The following OR5M8 variants were observed in gnomAD, a reference collection of about 807,000 sequenced individuals.
OR5M8 encodes olfactory receptor family 5 subfamily M member 8.
For missense variants in OR5M8, 445 were observed against 379.3 expected (o/e 1.17, Z -1.44); for synonymous variants, 163 against 141.5 (o/e 1.15, Z -1.08).
rs1432210277 is a variant in OR5M8, at chr11:56,490,601, A to G, written c.770T>C (p.Met257Thr). The G allele has an allele frequency of 1.9e-6, 3 of 1,613,884 alleles. No homozygotes were observed. Among genetic ancestry groups the G allele is most frequent in the Non-Finnish European group, 2.5e-6 (3 of 1,179,994 alleles). ...VTIFYATLFF[M>T]YLRPPSKESV... Reference sequence around the variant, plus strand: ...TTCCTTTGAGGGGGGTCTGAGATACATGAAGAAAAGGGTTGCATAGAATAT... The same window carrying G: ...TTCCTTTGAGGGGGGTCTGAGATACGTGAAGAAAAGGGTTGCATAGAATAT... The change falls in exon 1 of 1, where the codon ATG becomes ACG. Residue 257 changes from methionine (M) to threonine (T), a missense_variant. Physicochemically the swap from Met to Thr is moderately conservative, Grantham distance 81. Coordinates refer to ENST00000327216, the MANE Select transcript of OR5M8 (RefSeq NM_001005282.1).
rs1164995496 is a variant in OR5M8, at chr11:56,490,802, T to C, written c.569A>G (p.Asp190Gly). Reference protein sequence around the residue: ...DPPLIKLACSDTYNKELSMFI... With the variant: ...DPPLIKLACSGTYNKELSMFI... ...CATTGACAACTCCTTGTTGTAGGTG[T>C]CAGAACAAGCCAGCTTAATCAGTGG... is the stretch of plus-strand genomic sequence containing the variant. Residue 190 changes from aspartate to glycine, a missense_variant, in exon 1 of 1, where the codon GAC becomes GGC. Transcript: ENST00000327216. 1.2e-6 allele frequency: 2 copies of C among 1,614,004 alleles called. No homozygotes were observed. The highest frequency in any genetic ancestry group is 2.7e-5 in the African/African-American group (2 of 74,900).
chr11:56,491,252 C>A lies in OR5M8; in HGVS notation c.119G>T (p.Gly40Val), dbSNP rs1163232231. The change falls in exon 1 of 1, where the codon GGG (glycine) becomes GTG (valine). Residue 40 changes from glycine (G) to valine (V), a missense_variant. By Grantham distance (109) the Gly-to-Val change is moderately radical (BLOSUM62 -3). Coordinates refer to ENST00000327216, the MANE Select transcript of OR5M8 (RefSeq NM_001005282.1). ...GATGAGGACAATCATGCCAAGGTTC[C>A]CTGCCACCGTGACCATGTAAATGGC... ...FLAIYMVTVA[G>V]NLGMIVLIQA... 6.2e-7 allele frequency: 1 copy of A among 1,614,066 alleles called. No homozygotes were observed. Among genetic ancestry groups the A allele is most frequent in the Non-Finnish European group, 8.5e-7 (1 of 1,179,992 alleles).
chr11:56,490,615 T>C lies in OR5M8; in HGVS notation c.756A>G (p.Ala252=), dbSNP rs530518773. The change falls in exon 1 of 1, where the codon GCA becomes GCG. Residue 252 remains alanine (A), a synonymous_variant. Coordinates refer to ENST00000327216, the MANE Select transcript of OR5M8 (RefSeq NM_001005282.1). ...GTCTGAGATACATGAAGAAAAGGGT[T>C]GCATAGAATATAGTGACAGCTGTCA... ...SHLTAVTIFY[A]TLFFMYLRPP... 1.9e-6 allele frequency: 3 copies of C among 1,614,028 alleles called. No homozygotes were observed. The South Asian group carries it at 3.3e-5, about 18-fold the overall frequency.
At position 56,490,546 on chromosome 11, in the gene OR5M8, TA is replaced by T. The variant is rs1318938994; in HGVS notation, c.824del (p.Val275AspfsTer6). On this transcript the variant is annotated frameshift_variant, in exon 1 of 1. Coordinates refer to ENST00000327216, the MANE Select transcript of OR5M8 (RefSeq NM_001005282.1). LOFTEE classifies it low-confidence loss of function (END_TRUNC). ...ESVEQGKMVA[V>X]FYTTVIPMLN... The stretch of plus-strand genomic sequence containing the variant: ...GCATAGGGATTACTGTGGTATAAAA[TA>T]CAGCTACCATTTTACCCTGTTCAAC... 1.2e-6 allele frequency: 2 copies of T among 1,611,488 alleles called. No individual in the cohort carries two copies. The highest frequency in any genetic ancestry group is 2.7e-5 in the African/African-American group (2 of 74,864).
In OR5M8 at chr11:56,490,880, T is replaced by A; in HGVS notation, c.491A>T (p.Asn164Ile). ...TTCATTGGGGCCACAGAAGGCTAGG[T>A]TGTAGGTCCACATGGTCTCCATCAG... ...TGLMETMWTY[N>I]LAFCGPNEIN... is the part of the protein sequence containing the mutation. The change falls in exon 1 of 1, where the codon AAC (asparagine) becomes ATC (isoleucine). Residue 164 changes from asparagine to isoleucine, a missense_variant. By Grantham distance (149) the Asn-to-Ile change is moderately radical (BLOSUM62 -3). Transcript: ENST00000327216. 2.5e-6 allele frequency: 4 copies of A among 1,613,842 alleles called. No individual in the cohort carries two copies. The highest frequency in any genetic ancestry group is 3.4e-6 in the Non-Finnish European group (4 of 1,179,884).
Position 56,490,852 on chromosome 11 carries a change from A to G in OR5M8, c.519T>C (p.Ile173=). Reference sequence around the variant, plus strand: ...GTGGGTCCGCACAGTAGAAGTGATTAATTTCATTGGGGCCACAGAAGGCTA... The same window carrying G: ...GTGGGTCCGCACAGTAGAAGTGATTGATTTCATTGGGGCCACAGAAGGCTA... The part of the protein sequence containing the change: ...YNLAFCGPNE[I]NHFYCADPPL... The change falls in exon 1 of 1, where the codon ATT becomes ATC. Residue 173 remains isoleucine, a synonymous_variant. Coordinates refer to ENST00000327216, the MANE Select transcript of OR5M8 (RefSeq NM_001005282.1). 1 of 1,614,042 alleles carries G rather than the reference A, an allele frequency of 6.2e-7. No individual in the cohort carries two copies. The highest frequency in any genetic ancestry group is 8.5e-7 in the Non-Finnish European group (1 of 1,179,954).
At position 56,490,793 on chromosome 11, in the gene OR5M8, T is replaced by C. The variant is rs1185649212; in HGVS notation, c.578A>G (p.Asn193Ser). 6 of 1,613,892 alleles carry C rather than the reference T, an allele frequency of 3.7e-6. No individual in the cohort carries two copies. The highest frequency in any genetic ancestry group is 5.1e-6 in the Non-Finnish European group (6 of 1,179,906). The change falls in exon 1 of 1, where the codon AAC (asparagine) becomes AGC (serine). Residue 193 changes from asparagine (N) to serine (S), a missense_variant. Transcript: ENST00000327216. Reference sequence around the variant, plus strand: ...CACAATAAACATTGACAACTCCTTGTTGTAGGTGTCAGAACAAGCCAGCTT... The same window carrying C: ...CACAATAAACATTGACAACTCCTTGCTGTAGGTGTCAGAACAAGCCAGCTT... ...LIKLACSDTYNKELSMFIVAG... is the reference protein window; with the variant it reads ...LIKLACSDTYSKELSMFIVAG...
In OR5M8 at chr11:56,491,060, A is replaced by AT. The variant is rs1159819602; in HGVS notation, c.310dup (p.Ile104AsnfsTer7). The AT allele has an allele frequency of 6.2e-7, 1 of 1,613,928 alleles. No homozygotes were observed. Among genetic ancestry groups the AT allele is most frequent in the South Asian group, 1.1e-5 (1 of 91,066 alleles). ...GTAGATCTCAACATGGACCAAGGCG[A>AT]TAAAAAGGTAACACTGCACAAGACA... On this transcript the variant is annotated frameshift_variant, in exon 1 of 1. Transcript: ENST00000327216. LOFTEE classifies it low-confidence loss of function (END_TRUNC).
In OR5M8 at chr11:56,490,936, C is replaced by T. The variant is rs147351186; in HGVS notation, c.435G>A (p.Thr145=). The T allele has an allele frequency of 1.7e-4, 268 of 1,613,854 alleles. 3 individuals carry two copies. In the East Asian group the frequency reaches 2.3e-3, roughly 14 times the overall value. The stretch of plus-strand genomic sequence containing the variant: ...TGAGCGCTCCATACACATAAGGCAC[C>T]GTGATGAGGAAGGAGCACACACTCT... ...MSKSVCSFLI[T]VPYVYGALTG... is the part of the protein sequence containing the mutation. The change falls in exon 1 of 1, where the codon ACG becomes ACA. Residue 145 remains threonine, a synonymous_variant. Transcript: ENST00000327216.
In OR5M8 at chr11:56,490,951, G is replaced by A. The variant is rs183356079; in HGVS notation, c.420C>T (p.Cys140=). ...CATAAGGCACCGTGATGAGGAAGGAGCACACACTCTTGGACATTCTGCTGC... is the reference window on the plus strand; with the variant it reads ...CATAAGGCACCGTGATGAGGAAGGAACACACACTCTTGGACATTCTGCTGC... ...LYGSRMSKSV[C]SFLITVPYVY... is the part of the protein sequence containing the mutation. The change falls in exon 1 of 1, where the codon TGC becomes TGT. Residue 140 remains cysteine (C), a synonymous_variant. Transcript: ENST00000327216. The A allele has an allele frequency of 2.7e-4, 436 of 1,614,050 alleles. No homozygotes were observed. Among genetic ancestry groups the A allele is most frequent in the Non-Finnish European group, 3.2e-4 (380 of 1,179,940 alleles).
rs545919908 is a variant in OR5M8 at position 56,490,510 on chromosome 11, T to C, written c.861A>G (p.Ile287Met). ...YTTVIPMLNL[I>M]IYSLRNKNVK... is the part of the protein sequence containing the mutation. ...CATTTTTATTTCTAAGGCTATAAAT[T>C]ATAAGGTTCAGCATAGGGATTACTG... The change falls in exon 1 of 1, where the codon ATA becomes ATG. Residue 287 changes from isoleucine (I) to methionine (M), a missense_variant. Transcript: ENST00000327216. The C allele has an allele frequency of 6.3e-7, 1 of 1,595,694 alleles. No individual in the cohort carries two copies. The highest frequency in any genetic ancestry group is 2.2e-5 in the East Asian group (1 of 44,788).
chr11:56,490,444 G>C lies in OR5M8; in HGVS notation c.927C>G (p.Tyr309Ter). 6.6e-7 allele frequency: 1 copy of C among 1,515,018 alleles called. No homozygotes were observed. Among genetic ancestry groups the C allele is most frequent in the Non-Finnish European group, 9.1e-7 (1 of 1,098,422 alleles). The allele number at this position is 1,515,018 out of a possible 1,614,324, so 93.8% of individuals were successfully genotyped here. ...ALIKELSMKI[Y>*]FS ...AAAAGAATACTGATTTTTAAGAAAA[G>C]TATATCTTCATTGACAGCTCTTTGA... Residue 309 changes from tyrosine (Y) to a stop codon, truncating the protein, a stop_gained, in exon 1 of 1, where the codon TAC becomes TAG. Coordinates refer to ENST00000327216, the MANE Select transcript of OR5M8 (RefSeq NM_001005282.1). LOFTEE classifies it high-confidence loss of function.
rs756342888 is a variant in OR5M8 at position 56,491,250 on chromosome 11, TC to T, written c.120del (p.Asn41ThrfsTer4). The stretch of plus-strand genomic sequence containing the variant: ...TGGATGAGGACAATCATGCCAAGGT[TC>T]CCTGCCACCGTGACCATGTAAATGG... ...FLAIYMVTVAGNLGMIVLIQA... is the reference protein window; with the variant it reads ...FLAIYMVTVAXNLGMIVLIQA... On this transcript the variant is annotated frameshift_variant, in exon 1 of 1. Transcript: ENST00000327216. LOFTEE classifies it low-confidence loss of function (END_TRUNC). 1.2e-6 allele frequency: 2 copies of T among 1,614,094 alleles called. No homozygotes were observed. Among genetic ancestry groups the T allele is most frequent in the Non-Finnish European group, 1.7e-6 (2 of 1,179,976 alleles).
Position 56,491,263 on chromosome 11 carries a change from G to A in OR5M8, c.108C>T (p.Val36=). The stretch of plus-strand genomic sequence containing the variant: ...TCATGCCAAGGTTCCCTGCCACCGT[G>A]ACCATGTAAATGGCCAGAAACAGCG... ...LFTLFLAIYM[V]TVAGNLGMIV... Residue 36 remains valine, a synonymous_variant, in exon 1 of 1, where the codon GTC becomes GTT. Transcript: ENST00000327216. 1 of 1,614,092 alleles carries A rather than the reference G, an allele frequency of 6.2e-7. No homozygotes were observed. Among genetic ancestry groups the A allele is most frequent in the South Asian group, 1.1e-5 (1 of 91,068 alleles).
At position 56,491,125 on chromosome 11, in the gene OR5M8, C is replaced by T. The variant is rs1182708426; in HGVS notation, c.246G>A (p.Glu82=). 1 of 1,614,122 alleles carries T rather than the reference C, an allele frequency of 6.2e-7. No homozygotes were observed. Among genetic ancestry groups the T allele is most frequent in the South Asian group, 1.1e-5 (1 of 91,076 alleles). ...FSSNVTPKML[E]IFLSEKKSIS... is the part of the protein sequence containing the mutation. ...TGCTTTTCTTCTCTGAAAGGAAAATCTCCAGCATCTTTGGAGTCACATTGG... is the reference window on the plus strand; with the variant it reads ...TGCTTTTCTTCTCTGAAAGGAAAATTTCCAGCATCTTTGGAGTCACATTGG... Residue 82 remains glutamate (E), a synonymous_variant, in exon 1 of 1, where the codon GAG becomes GAA. Transcript: ENST00000327216.
chr11:56,490,887 T>C lies in OR5M8; in HGVS notation c.484A>G (p.Thr162Ala), dbSNP rs138668801. ...ALTGLMETMW[T>A]YNLAFCGPNE... ...GGGCCACAGAAGGCTAGGTTGTAGG[T>C]CCACATGGTCTCCATCAGGCCAGTG... Residue 162 changes from threonine (T) to alanine (A), a missense_variant, in exon 1 of 1, where the codon ACC (threonine) becomes GCC (alanine). Transcript: ENST00000327216. 7.4e-6 allele frequency: 12 copies of C among 1,613,596 alleles called. No individual in the cohort carries two copies. The highest frequency in any genetic ancestry group is 1.0e-5 in the Non-Finnish European group (12 of 1,179,854).
chr11:56,491,170 G>C lies in OR5M8; in HGVS notation c.201C>G (p.Phe67Leu). ...PMYFFLSHLSFVDLCFSSNVT... is the reference protein window; with the variant it reads ...PMYFFLSHLSLVDLCFSSNVT... ...CATTGGAAGAGAAGCACAGATCCAC[G>C]AAGGATAAGTGGCTCAGGAAAAAGT... The change falls in exon 1 of 1, where the codon TTC becomes TTG. Residue 67 changes from phenylalanine (F) to leucine (L), a missense_variant. Phe to Leu is a conservative substitution (Grantham distance 22). Coordinates refer to ENST00000327216, the MANE Select transcript of OR5M8 (RefSeq NM_001005282.1). 4 of 1,614,084 alleles carry C rather than the reference G, an allele frequency of 2.5e-6. No individual in the cohort carries two copies. Among genetic ancestry groups the C allele is most frequent in the Non-Finnish European group, 3.4e-6 (4 of 1,179,926 alleles).
chr11:56,490,954 C>T lies in OR5M8; in HGVS notation c.417G>A (p.Val139=), dbSNP rs141674595. ...AAGGCACCGTGATGAGGAAGGAGCA[C>T]ACACTCTTGGACATTCTGCTGCCAT... ...LLYGSRMSKS[V]CSFLITVPYV... is the part of the protein sequence containing the mutation. The change falls in exon 1 of 1, where the codon GTG becomes GTA. Residue 139 remains valine (V), a synonymous_variant. Coordinates refer to ENST00000327216, the MANE Select transcript of OR5M8 (RefSeq NM_001005282.1). The T allele has an allele frequency of 1.9e-5, 31 of 1,613,912 alleles. No homozygotes were observed. Among genetic ancestry groups the T allele is most frequent in the Middle Eastern group, 3.3e-4 (2 of 6,082 alleles).
chr11:56,491,215 G>A lies in OR5M8; in HGVS notation c.156C>T (p.Ala52=). 1.2e-6 allele frequency: 2 copies of A among 1,614,198 alleles called. No individual in the cohort carries two copies. The highest frequency in any genetic ancestry group is 1.7e-6 in the Non-Finnish European group (2 of 1,180,042). ...AAAAGTACATGGGCATGTGGAGCCA[G>A]GCGTTGGCCTGGATGAGGACAATCA... ...LGMIVLIQAN[A]WLHMPMYFFL... The change falls in exon 1 of 1, where the codon GCC becomes GCT. Residue 52 remains alanine (A), a synonymous_variant. Transcript: ENST00000327216.
Sources: gnomAD v4.1 joint callset for allele counts on GRCh38, gnomAD v4.1.1 for gene constraint, MANE v1.5 for transcripts, NCBI Gene and HGNC (gene_info 2026-07-23, HGNC 2026-07-21) for gene names.